The following PLBD2 variants were observed in gnomAD, a reference collection of about 807,000 sequenced individuals.
PLBD2 encodes putative aminopeptidase PLBD2.
A neutral mutation model predicts 68.3 loss-of-function variants in PLBD2; 51 were observed. That is an observed-to-expected ratio of 0.75 (90% CI 0.60 to 0.94). The LOEUF is 0.94. Ranked by LOEUF, PLBD2 falls within the 40% of genes least tolerant of loss-of-function variation. The pLI is 0.00. For synonymous variants in PLBD2, 314 were observed against 339.3 expected (o/e 0.93, Z 0.82); for missense variants, 729 against 792.2 (o/e 0.92, Z 0.96).
chr12:113,380,896 C>A, intron 6 of PLBD2, 54 bp downstream of exon 6: 1 of 1,490,632 alleles, frequency 6.7e-7, no homozygotes. Context: ...CACACGGCGG[C>A]TCTGAGCTGG....
chr12:113,359,902 C>T (rs1022707316), intron 1 of PLBD2, among the ~76,000 whole-genome samples: 1 of 152,076 alleles, frequency 6.6e-6, no homozygotes, highest in Non-Finnish European at 1.5e-5. Context: ...TCCTAGGGAA[C>T]CCGGGGTGCA....
At chr12:113,364,731 GGGTTACA>G (rs1957327430) in intron 1 of PLBD2, among the ~76,000 whole-genome samples, 1 of 152,108 alleles carries the variant, frequency 6.6e-6, no homozygotes, top group African/African-American at 2.4e-5. Flanking sequence ...CAAAGCACTG[GGGTTACA>G]GGCATGAGCC....
At position 113,370,472 on chromosome 12, in the gene PLBD2, CTTT is replaced by C. The variant is rs71086162; in HGVS notation, c.384+1283_384+1285del. 8.7e-3 allele frequency among the ~76,000 whole-genome samples: 897 copies of C among 103,502 alleles called. 2 individuals are homozygous for C. The highest frequency in any genetic ancestry group is 0.03 in the African/African-American group (812 of 26,878). 67.9% of individuals were successfully genotyped at this position (103,502 alleles called of 152,430 possible). ...CCTAGTGTAATTTTCTTTTTCTTTT[CTTT>C]TTTTTTTTTTTTTTTTTTTGAGACA... is the stretch of plus-strand genomic sequence containing the variant. On this transcript the variant is annotated intron_variant, in intron 2 of 11. Coordinates refer to ENST00000280800, the MANE Select transcript of PLBD2 (RefSeq NM_173542.4).
chr12:113,372,817 G>A lies in PLBD2; in HGVS notation c.543+10G>A, dbSNP rs749433087. 4 of 1,608,590 alleles carry A rather than the reference G, an allele frequency of 2.5e-6. No homozygotes were observed. The highest frequency in any genetic ancestry group is 1.3e-5 in the African/African-American group (1 of 74,880). On this transcript the variant is annotated intron_variant, in intron 3 of 11. Coordinates refer to ENST00000280800, the MANE Select transcript of PLBD2 (RefSeq NM_173542.4). The surrounding 1 kb of genome is among the most constrained non-coding windows in gnomAD (Gnocchi z 4.2). Reference sequence around the variant, plus strand: ...ACCTTACTGGCACCAGGTGAGTCCTGCTGCCACGCTTGGTGGGAGGGGGCT... The same window carrying A: ...ACCTTACTGGCACCAGGTGAGTCCTACTGCCACGCTTGGTGGGAGGGGGCT...
chr12:113,370,472 C>CTTTTTTTTTTTTT (rs71086162), intron 2 of PLBD2, among the ~76,000 whole-genome samples: 16 of 103,644 alleles, frequency 1.5e-4, no homozygotes, highest in Non-Finnish European at 2.2e-4. Flanking sequence ...TTTTTCTTTT[C>CTTTTTTTTTTTTT]TTTTTTTTTT....
At chr12:113,382,836 TGTG>T (rs1301853926) in intron 6 of PLBD2, among the ~76,000 whole-genome samples, 2 of 60,734 alleles carry the variant, frequency 3.3e-5, no homozygotes, top group African/African-American at 1.3e-4. Flanking sequence ...GGTGGTTTTT[TGTG>T]TGTGTGTGTG....
intron 9 of PLBD2, among the ~76,000 whole-genome samples, chr12:113,385,789 C>T (rs572281375): frequency 2.6e-5 from 4 of 152,190 alleles, no homozygotes; most frequent in Non-Finnish European, 5.9e-5. Flanking sequence ...CTTGCCCTGT[C>T]ACCCAGGCTG....
At chr12:113,374,614 G>A (rs200947644) in intron 4 of PLBD2, 40 bp downstream of exon 4, 9 of 1,526,304 alleles carry the variant, frequency 5.9e-6, no homozygotes, top group Non-Finnish European at 7.2e-6. Context: ...GGGAAGAAGG[G>A]CCACACACTC....
In PLBD2 at chr12:113,374,844, G is replaced by A; in HGVS notation, c.696G>A (p.Lys232=). The A allele has an allele frequency of 4.3e-6, 7 of 1,613,860 alleles. No individual in the cohort carries two copies. The highest frequency in any genetic ancestry group is 4.2e-6 in the Non-Finnish European group (5 of 1,180,026). The change falls in exon 5 of 12, where the codon AAG becomes AAA. Residue 232 remains lysine, a synonymous_variant. Coordinates refer to ENST00000280800, the MANE Select transcript of PLBD2 (RefSeq NM_173542.4). Reference sequence around the variant, plus strand: ...AAGACCTGGAGCTGGCCCTGAACAAGACCAAGATCAAACCTTCTCTGGGCT... The same window carrying A: ...AAGACCTGGAGCTGGCCCTGAACAAAACCAAGATCAAACCTTCTCTGGGCT... ...DLEDLELALN[K]TKIKPSLGSG... is the part of the protein sequence containing the mutation.
rs759728668 is a variant in PLBD2 at position 113,387,758 on chromosome 12, T to C, written c.1454T>C (p.Leu485Pro). The C allele has an allele frequency of 2.5e-6, 4 of 1,613,922 alleles. No homozygotes were observed. The African/African-American group carries it at 5.3e-5, about 22-fold the overall frequency. The part of the protein sequence containing the change: ...MVRLMRYNDF[L>P]HDPLSLCKAC... ...TCCCCATCCAGGTACAATGACTTCC[T>C]CCATGACCCTCTGTCACTGTGCAAA... is the stretch of plus-strand genomic sequence containing the variant. The change falls in exon 11 of 12, where the codon CTC becomes CCC. Residue 485 changes from leucine to proline, a missense_variant. Transcript: ENST00000280800.
intron 6 of PLBD2, among the ~76,000 whole-genome samples, chr12:113,382,004 G>A (rs1033527124): frequency 6.6e-6 from 1 of 151,970 alleles, no homozygotes; most frequent in Admixed American, 6.6e-5. Flanking sequence ...TAAATTTCTT[G>A]TAGAAATGAG....
intron 5 of PLBD2, among the ~76,000 whole-genome samples, chr12:113,378,991 T>G (rs1485484656): frequency 2.0e-5 from 3 of 152,166 alleles, no homozygotes; most frequent in Non-Finnish European, 4.4e-5. Context: ...CCCTTTGTTT[T>G]AAAGTGCAAA....
At chr12:113,382,547 G>A (rs1330055709) in intron 6 of PLBD2, among the ~76,000 whole-genome samples, 1 of 151,306 alleles carries the variant, frequency 6.6e-6, no homozygotes, top group Non-Finnish European at 1.5e-5. Flanking sequence ...AGCCTCAAGC[G>A]ATCCTCCCAT....
intron 4 of PLBD2, 21 bp from the exon 5 acceptor site, chr12:113,374,772 T>G (rs368747510): frequency 6.2e-7 from 1 of 1,613,260 alleles, no homozygotes; most frequent in South Asian, 1.1e-5. Context: ...GGTAACCCTC[T>G]GATGCCCTGG....
intron 8 of PLBD2, 68 bp downstream of exon 8, chr12:113,385,014 C>T (rs1957536559): frequency 2.0e-6 from 3 of 1,474,164 alleles, no homozygotes; most frequent in African/African-American, 1.4e-5. Context: ...AGGCCCAGAG[C>T]CGTGCTGGCG....
At position 113,389,408 on chromosome 12, in the gene PLBD2, TGCTTCTTG is replaced by T. The variant is rs1957587808; in HGVS notation, c.*784_*791del. 1 of 152,192 alleles carries T rather than the reference TGCTTCTTG, an allele frequency of 6.6e-6. No homozygotes were observed. Among genetic ancestry groups the T allele is most frequent in the African/African-American group, 2.4e-5 (1 of 41,400 alleles). 9.4% of individuals were successfully genotyped at this position (152,192 alleles called of 1,614,324 possible). A position where few individuals can be genotyped will look rare whatever the true frequency, so the allele number is the denominator to read the frequency against. Reference sequence around the variant, plus strand: ...CAAGAGCGGCTGTGGCCCCATGCTGTGCTTCTTGGGGTGGCAGGGAAGGTGGGGTCAGC... The same window carrying T: ...CAAGAGCGGCTGTGGCCCCATGCTGTGGGTGGCAGGGAAGGTGGGGTCAGC... On this transcript the variant is annotated 3_prime_UTR_variant, in exon 12 of 12. Transcript: ENST00000280800.
At chr12:113,387,260 T>A (rs1288392877) in intron 10 of PLBD2, among the ~76,000 whole-genome samples, 171 bp downstream of exon 10, 3 of 151,798 alleles carry the variant, frequency 2.0e-5, no homozygotes, top group Non-Finnish European at 4.4e-5. Flanking sequence ...GCTCTCCACT[T>A]GGGCCCTGTC....
chr12:113,388,804 C>T lies in PLBD2; in HGVS notation c.*178C>T, dbSNP rs1194490253. On this transcript the variant is annotated 3_prime_UTR_variant, in exon 12 of 12. Transcript: ENST00000280800. ...ACCTGATGGGGCTCAGAACTGACCCCCTCTCTCCCCCGAGGTGGGTGGGCA... is the reference window on the plus strand; with the variant it reads ...ACCTGATGGGGCTCAGAACTGACCCTCTCTCTCCCCCGAGGTGGGTGGGCA... 3.4e-6 allele frequency: 2 copies of T among 585,552 alleles called. No homozygotes were observed. Among genetic ancestry groups the T allele is most frequent in the Non-Finnish European group, 5.5e-6 (2 of 364,206 alleles). The allele number at this position is 585,552 out of a possible 1,614,324, so 36.3% of individuals were successfully genotyped here.
chr12:113,366,976 C>T (rs1052953801), intron 1 of PLBD2, among the ~76,000 whole-genome samples: 2 of 152,164 alleles, frequency 1.3e-5, no homozygotes, highest in East Asian at 1.9e-4. Context: ...TGTACCACTA[C>T]ACCCAGCTGA....
Sources: gnomAD v4.1 joint callset for allele counts (sites outside exome capture counted in the v4.1 genomes callset) on GRCh38, gnomAD v4.1.1 for gene constraint, Gnocchi (gnomAD v3.1) non-coding constraint, MANE v1.5 for transcripts, NCBI Gene and HGNC (gene_info 2026-07-23, HGNC 2026-07-21) for gene names.